The following NLRP13 variants were observed in gnomAD, a reference collection of about 807,000 sequenced individuals.
The protein encoded by NLRP13 is NACHT, LRR and PYD domains-containing protein 13.
NLRP13 carries 82 observed loss-of-function variants against 94.4 expected under a neutral mutation model. That is an observed-to-expected ratio of 0.87 (90% CI 0.73 to 1.04). NLRP13 has a LOEUF of 1.04. Ranked by LOEUF, NLRP13 falls within the 50% of genes least tolerant of loss-of-function variation. The probability of loss-of-function intolerance (pLI) is 0.00; values close to 1 mark genes in which losing one functional copy is unlikely to be tolerated. For missense variants in NLRP13, 1,426 were observed against 1,230.8 expected (o/e 1.16, Z -2.37); for synonymous variants, 553 against 464.7 (o/e 1.19, Z -2.45).
At chr19:55,916,844 T>A (rs1440641683) in intron 4 of NLRP13, among the ~76,000 whole-genome samples, 2 of 151,862 alleles carry the variant, frequency 1.3e-5, no homozygotes, top group Non-Finnish European at 2.9e-5. Flanking sequence ...GATCCAGGCA[T>A]CCAAATATAA....
intron 8 of NLRP13, among the ~76,000 whole-genome samples, chr19:55,904,180 C>T: frequency 6.6e-6 from 1 of 152,308 alleles, no homozygotes; most frequent in South Asian, 2.1e-4. Context: ...GAAACCTTCA[C>T]CTCCTGGGTT....
chr19:55,930,901 A>T (rs796547344), intron 1 of NLRP13, among the ~76,000 whole-genome samples: 15,061 of 98,114 alleles, frequency 0.15, 1,345 homozygotes, highest in Admixed American at 0.19. Flanking sequence ...TATATATAAA[A>T]TTTTAACCAG....
At chr19:55,920,178 T>G (rs73611410) in intron 4 of NLRP13, among the ~76,000 whole-genome samples, 5,480 of 152,140 alleles carry the variant, frequency 0.036, 308 homozygotes, top group African/African-American at 0.13. Flanking sequence ...AAAAGCTCAC[T>G]CAAGATGGAA....
chr19:55,930,875 TA>T lies in NLRP13; in HGVS notation c.319+1117del, dbSNP rs200955985. On this transcript the variant is annotated intron_variant, in intron 1 of 10. Transcript: ENST00000342929. ...GCTTACAGGAGATAGAATCAGTGAT[TA>T]TATATATATATATATATATATAAAA... Among the ~76,000 whole-genome samples the T allele has an allele frequency of 2.1e-3, 62 of 30,006 alleles. 2 individuals are homozygous for T. The highest frequency in any genetic ancestry group is 7.5e-3 in the South Asian group (6 of 798). The allele number at this position is 30,006 out of a possible 152,430, so 19.7% of individuals were successfully genotyped here.
intron 8 of NLRP13, among the ~76,000 whole-genome samples, chr19:55,904,062 C>A (rs1276420688): frequency 6.6e-6 from 1 of 152,170 alleles, no homozygotes; most frequent in African/African-American, 2.4e-5. Context: ...TCCAACCATG[C>A]TAGCTTCCTC....
chr19:55,913,548 C>CAAAA (rs10530056), intron 4 of NLRP13, among the ~76,000 whole-genome samples: 7,153 of 51,728 alleles, frequency 0.14, 1,216 homozygotes, highest in Non-Finnish European at 0.2. Flanking sequence ...GACTCCGTCT[C>CAAAA]AAAAAAAAAA....
At position 55,925,001 on chromosome 19, in the gene NLRP13, G is replaced by A. The variant is rs141297690; in HGVS notation, c.354C>T (p.Thr118=). The A allele has an allele frequency of 1.4e-3, 2,204 of 1,613,960 alleles. 3 individuals carry two copies. Among genetic ancestry groups the A allele is most frequent in the Non-Finnish European group, 1.7e-3 (2,042 of 1,179,960 alleles). ...NVQTQELQDP[T]QEDLEMLEAA... The stretch of plus-strand genomic sequence containing the variant: ...CTTCTAGCATCTCTAGATCTTCCTG[G>A]GTTGGATCTTGCAGCTCTTGGGTCT... Residue 118 remains threonine, a synonymous_variant, in exon 2 of 11, where the codon ACC becomes ACT. Coordinates refer to ENST00000342929, the MANE Select transcript of NLRP13 (RefSeq NM_176810.2).
At chr19:55,931,833 T>A (rs530247476) in intron 1 of NLRP13, among the ~76,000 whole-genome samples, 160 bp downstream of exon 1, 1 of 151,958 alleles carries the variant, frequency 6.6e-6, no homozygotes, top group South Asian at 2.1e-4. Flanking sequence ...TAAATCTTTA[T>A]AGCCTTTATG....
chr19:55,895,615 G>A (rs778118615), downstream of NLRP13, among the ~76,000 whole-genome samples: 34 of 152,108 alleles, frequency 2.2e-4, no homozygotes, highest in Non-Finnish European at 3.8e-4. Flanking sequence ...CCCGGGAGGT[G>A]GAGGTTGCAG....
At chr19:55,909,494 A>T (rs1014306179) in intron 6 of NLRP13, among the ~76,000 whole-genome samples, 4 of 152,050 alleles carry the variant, frequency 2.6e-5, no homozygotes, top group Admixed American at 6.6e-5. Flanking sequence ...AGACATACAC[A>T]TCAAATGCAG....
chr19:55,901,585 G>A (rs745342515), intron 9 of NLRP13, among the ~76,000 whole-genome samples: 1 of 152,116 alleles, frequency 6.6e-6, no homozygotes, highest in Non-Finnish European at 1.5e-5. Flanking sequence ...GGGAAGGGGA[G>A]CGGTACTGTG....
Position 55,924,614 on chromosome 19 carries a change from G to C in NLRP13, c.433C>G (p.Leu145Val), listed in dbSNP as rs1986923116. ...CCTGTTTCTTCTTCTAGCTCGTCTA[G>C]TTCTTCTTGGTTTGGATCTTGGCAT... ...QGCQDPNQEE[L>V]DELEEETGNV... is the part of the protein sequence containing the mutation. The change falls in exon 3 of 11, where the codon CTA becomes GTA. Residue 145 changes from leucine (L) to valine (V), a missense_variant. Coordinates refer to ENST00000342929, the MANE Select transcript of NLRP13 (RefSeq NM_176810.2). 5.6e-6 allele frequency: 9 copies of C among 1,613,372 alleles called. No homozygotes were observed. Among genetic ancestry groups the C allele is most frequent in the Non-Finnish European group, 6.8e-6 (8 of 1,179,574 alleles).
downstream of NLRP13, chr19:55,895,919 C>T (rs776239264): frequency 9.9e-5 from 159 of 1,608,698 alleles, no homozygotes; most frequent in Non-Finnish European, 1.3e-4. Context: ...CCTGTATGTT[C>T]TCCCCTGCAG....
chr19:55,926,605 C>T (rs889312974), intron 1 of NLRP13, among the ~76,000 whole-genome samples: 2 of 152,140 alleles, frequency 1.3e-5, no homozygotes, highest in African/African-American at 4.8e-5. Context: ...TATCCTAATC[C>T]TAGCAACCCC....
intron 6 of NLRP13, among the ~76,000 whole-genome samples, 183 bp downstream of exon 6, chr19:55,910,380 G>A (rs16986789): frequency 0.038 from 5,836 of 152,192 alleles, 359 homozygotes; most frequent in East Asian, 0.31. Context: ...TTGATAGATC[G>A]GCATTTTAAA....
At chr19:55,904,909 T>A (rs1394703414) in intron 8 of NLRP13, 33 bp downstream of exon 8, 1 of 1,584,346 alleles carries the variant, frequency 6.3e-7, no homozygotes, top group Admixed American at 1.7e-5. Flanking sequence ...GCCCATAGAG[T>A]CATATCTAGA....
At chr19:55,907,337 C>T (rs1020437131) in intron 7 of NLRP13, among the ~76,000 whole-genome samples, 8 of 152,058 alleles carry the variant, frequency 5.3e-5, no homozygotes, top group African/African-American at 1.4e-4. Flanking sequence ...CTCAAGAGGC[C>T]GAGGCAAGCA....
In NLRP13 at chr19:55,913,019, G is replaced by A. The variant is rs1432453589; in HGVS notation, c.798C>T (p.Phe266=). ...ACCTTATTTTATGGCAGCTGAGATA[G>A]AAAACATAGGAGAACCTTTGCTGAA... ...VLFQQRFSYV[F]YLSCHKIRYM... Residue 266 remains phenylalanine, a synonymous_variant, in exon 5 of 11, where the codon TTC becomes TTT. Transcript: ENST00000342929. The A allele has an allele frequency of 6.2e-7, 1 of 1,614,050 alleles. No individual in the cohort carries two copies. The highest frequency in any genetic ancestry group is 1.3e-5 in the African/African-American group (1 of 74,928).
In NLRP13 at chr19:55,923,959, A is replaced by G. The variant is rs774594349; in HGVS notation, c.478T>C (p.Cys160Arg). 17 of 1,613,838 alleles carry G rather than the reference A, an allele frequency of 1.1e-5. No individual in the cohort carries two copies. The South Asian group carries it at 1.8e-4, about 17-fold the overall frequency. Reference protein sequence around the residue: ...EETGNVQAQGCQDPNQEEPEM... With the variant: ...EETGNVQAQGRQDPNQEEPEM... ...GGTTCTTCTTGGTTTGGATCTTGGC[A>G]TCCCTGGGCCTGTACATTCCCTGAA... Residue 160 changes from cysteine to arginine, a missense_variant, in exon 4 of 11, where the codon TGC (cysteine) becomes CGC (arginine). Physicochemically the swap from Cys to Arg is radical, Grantham distance 180. Coordinates refer to ENST00000342929, the MANE Select transcript of NLRP13 (RefSeq NM_176810.2).
Sources: gnomAD v4.1 joint callset for allele counts (sites outside exome capture counted in the v4.1 genomes callset) on GRCh38, gnomAD v4.1.1 for gene constraint, MANE v1.5 for transcripts, NCBI Gene and HGNC (gene_info 2026-07-23, HGNC 2026-07-21) for gene names.